DGKB: variants seen among roughly 807,000 people sequenced by gnomAD.
The protein encoded by DGKB is diacylglycerol kinase beta, also known as 90 kDa diacylglycerol kinase.
In DGKB, 67 loss-of-function variants were observed where a neutral mutation model predicts 114.3. The ratio of observed to expected loss-of-function variants is 0.59; its 90% CI spans 0.48 to 0.72. The LOEUF (loss-of-function observed/expected upper bound fraction) is 0.72, where lower values mean the gene tolerates loss of function less well. DGKB is among the 30% of genes least tolerant of loss of function. DGKB has a pLI of 0.00. For missense variants in DGKB, 907 were observed against 975.2 expected, an observed-to-expected ratio of 0.93 and a Z score of 0.93; for synonymous variants, 398 against 323.1, an observed-to-expected ratio of 1.23 and a Z score of -2.49.
intron 23 of DGKB, among the ~76,000 whole-genome samples, chr7:14,208,907 C>A (rs1301902398): frequency 6.7e-6 from 1 of 149,856 alleles, no homozygotes; most frequent in Non-Finnish European, 1.5e-5. Context: ...TTCATTTATC[C>A]TTTTTACTTT....
At chr7:14,201,614 G>A (rs1263051581) in intron 23 of DGKB, among the ~76,000 whole-genome samples, 1 of 151,936 alleles carries the variant, frequency 6.6e-6, no homozygotes, top group Non-Finnish European at 1.5e-5. Context: ...CACCAACTAA[G>A]ATGCAAAATC....
chr7:14,797,112 C>A (rs2215433), intron 2 of DGKB, among the ~76,000 whole-genome samples: 64,211 of 151,866 alleles, frequency 0.42, 15,903 homozygotes, highest in African/African-American at 0.69. Flanking sequence ...AATGTTTTTA[C>A]TTTTTACTTT....
At chr7:14,886,620 A>G (rs1855095780) in intron 1 of DGKB, among the ~76,000 whole-genome samples, 1 of 151,796 alleles carries the variant, frequency 6.6e-6, no homozygotes, top group Non-Finnish European at 1.5e-5. Context: ...AAATATCACT[A>G]CAATTTCTCT....
intron 23 of DGKB, among the ~76,000 whole-genome samples, chr7:14,302,753 G>A (rs1428699655): frequency 6.6e-6 from 1 of 152,028 alleles, no homozygotes; most frequent in African/African-American, 2.4e-5. Flanking sequence ...CCCAACAAAT[G>A]CTCCATATCG....
At chr7:14,755,185 T>C (rs1227103616) in intron 3 of DGKB, among the ~76,000 whole-genome samples, 1 of 152,178 alleles carries the variant, frequency 6.6e-6, no homozygotes, top group Non-Finnish European at 1.5e-5. Context: ...GATTATCAAA[T>C]GATCTTTAAA....
chr7:14,956,248 A>G (rs941236705), intron 1 of DGKB, among the ~76,000 whole-genome samples: 1 of 151,970 alleles, frequency 6.6e-6, no homozygotes, highest in Non-Finnish European at 1.5e-5. Flanking sequence ...ATAATTTCAA[A>G]TGCAGTGCAT....
intron 1 of DGKB, among the ~76,000 whole-genome samples, chr7:14,871,977 G>A (rs217560): frequency 0.91 from 137,842 of 152,078 alleles, 62,969 homozygotes; most frequent in Non-Finnish European, 0.96. Flanking sequence ...ACGGCACTTT[G>A]CCCTAAATAC....
chr7:14,779,752 AT>A (rs1838788662), intron 2 of DGKB, among the ~76,000 whole-genome samples: 1 of 152,144 alleles, frequency 6.6e-6, no homozygotes, highest in African/African-American at 2.4e-5. Flanking sequence ...ACACAGAGAG[AT>A]TCAAAATTTT....
intron 21 of DGKB, among the ~76,000 whole-genome samples, chr7:14,417,026 T>G (rs574784909): frequency 6.6e-4 from 101 of 152,224 alleles, no homozygotes; most frequent in Admixed American, 4.1e-3. Flanking sequence ...TACATGTTCT[T>G]GATTATAAAG....
rs933703623 is a variant in DGKB, at chr7:14,615,990, A to C, written c.1285-2577T>G. ...TTTTGGTGAATAAAGTTTTATGGAA[A>C]TATCTTACATTAATATTTTTTAAAT... On this transcript the variant is annotated intron_variant, in intron 15 of 25. Transcript: ENST00000402815. Among the ~76,000 whole-genome samples, 5 of 151,304 alleles carry C rather than the reference A, an allele frequency of 3.3e-5. No individual in the cohort carries two copies. In the Admixed American group the frequency reaches 3.3e-4, roughly 10 times the overall value.
At chr7:14,318,328 C>G (rs962850831) in intron 23 of DGKB, among the ~76,000 whole-genome samples, 3 of 151,352 alleles carry the variant, frequency 2.0e-5, no homozygotes, top group African/African-American at 2.4e-5. Context: ...GCAAAAGAAA[C>G]TACCATCAGA....
chr7:14,173,511 G>GA (rs1187597053), intron 25 of DGKB, among the ~76,000 whole-genome samples: 2 of 152,004 alleles, frequency 1.3e-5, no homozygotes, highest in Admixed American at 6.6e-5. Context: ...TCTACTAATA[G>GA]AAAAAACAGA....
At chr7:14,543,526 AAC>A (rs1163031497) in intron 20 of DGKB, among the ~76,000 whole-genome samples, 2 of 152,194 alleles carry the variant, frequency 1.3e-5, no homozygotes, top group African/African-American at 4.8e-5. Flanking sequence ...ATGAAAATAA[AAC>A]ACTGTTTGCA....
At chr7:14,502,689 C>T (rs1786389119) in intron 20 of DGKB, among the ~76,000 whole-genome samples, 1 of 151,940 alleles carries the variant, frequency 6.6e-6, no homozygotes, top group African/African-American at 2.4e-5. Flanking sequence ...TAAATTGAGG[C>T]CTGATTTAGA....
intron 21 of DGKB, among the ~76,000 whole-genome samples, chr7:14,423,331 T>A (rs187728348): frequency 1.8e-4 from 28 of 152,132 alleles, no homozygotes; most frequent in Middle Eastern, 3.4e-3. Context: ...TTCTTTAAAA[T>A]AAATGTCAAA....
chr7:14,806,781 T>C lies in DGKB; in HGVS notation c.70+34413A>G, dbSNP rs1381919100. ...CATATAAATTTCCTTTAAGAATCCC[T>C]GATGCTGCTATTCTCAGATCATTTT... On this transcript the variant is annotated intron_variant, in intron 2 of 25. Coordinates refer to ENST00000402815, the MANE Select transcript of DGKB (RefSeq NM_001350709.2). Among the ~76,000 whole-genome samples, 3 of 152,048 alleles carry C rather than the reference T, an allele frequency of 2.0e-5. No individual in the cohort carries two copies. The South Asian group carries it at 6.2e-4, about 31-fold the overall frequency.
chr7:14,503,786 T>A (rs1584433783), intron 20 of DGKB, among the ~76,000 whole-genome samples: 1 of 152,118 alleles, frequency 6.6e-6, no homozygotes, highest in African/African-American at 2.4e-5. Context: ...TATAGTAATG[T>A]AAGGCAGCGA....
intron 17 of DGKB, among the ~76,000 whole-genome samples, chr7:14,593,529 C>T (rs774923775): frequency 3.3e-5 from 5 of 151,742 alleles, no homozygotes; most frequent in African/African-American, 7.3e-5. Flanking sequence ...TCCTTGCCAT[C>T]ATATAGAAAA....
intron 23 of DGKB, among the ~76,000 whole-genome samples, chr7:14,261,883 T>C (rs980268666): frequency 1.3e-5 from 2 of 152,182 alleles, no homozygotes; most frequent in Non-Finnish European, 2.9e-5. Context: ...GCATTAAATG[T>C]CATTAAGAAC....
Sources: allele counts gnomAD v4.1 joint callset (sites outside exome capture counted in the v4.1 genomes callset), GRCh38; gene constraint gnomAD v4.1.1; transcripts MANE v1.5; gene names NCBI Gene and HGNC (gene_info 2026-07-23, HGNC 2026-07-21).